NCL: variants seen among roughly 807,000 people sequenced by gnomAD.
NCL encodes the protein nucleolin multifunctional protein.
In NCL, 4 loss-of-function variants were observed where a neutral mutation model predicts 77.7. The ratio of observed to expected loss-of-function variants is 0.05; its 90% confidence interval spans 0.03 to 0.12. The LOEUF is 0.12. Ranked by LOEUF, NCL falls within the 10% of genes least tolerant of loss-of-function variation. The pLI, the probability that NCL is intolerant of heterozygous loss-of-function variation, is 1.00. For synonymous variants in NCL, 344 were observed against 297.8 expected (o/e 1.16, Z -1.60); for missense variants, 763 against 860.9 (o/e 0.89, Z 1.42).
At position 231,462,170 on chromosome 2, in the gene NCL, T is replaced by C. The variant is rs944924223; in HGVS notation, c.136-153A>G. On this transcript the variant is annotated intron_variant, in intron 2 of 13. Coordinates refer to ENST00000322723, the MANE Select transcript of NCL (RefSeq NM_005381.3). ...CATGTTAAACTCCAGGCTTCTGTTA[T>C]GTTGTCTTAAGTCAGAGCCCCTATC... 3.9e-5 allele frequency: 41 copies of C among 1,041,692 alleles called. No individual in the cohort carries two copies. In the East Asian group the frequency reaches 5.7e-4, roughly 14 times the overall value. The allele number at this position is 1,041,692 out of a possible 1,614,324, so 64.5% of individuals were successfully genotyped here.
intron 1 of NCL, chr2:231,463,541 T>G (rs778560912): frequency 2.7e-5 from 14 of 525,118 alleles, no homozygotes; most frequent in Non-Finnish European, 4.7e-5. Flanking sequence ...AAACCTGCCC[T>G]AAGGTAAAAA....
chr2:231,461,610 G>A lies in NCL; in HGVS notation c.543C>T (p.Ala181=), dbSNP rs1457561360. Residue 181 remains alanine, a synonymous_variant, in exon 3 of 14, where the codon GCC becomes GCT. Transcript: ENST00000322723. ...EPAAMKAAAA[A]PASEDEDDED... Reference sequence around the variant, plus strand: ...CATCGTCCTCATCCTCTGAGGCAGGGGCAGCAGCTGCTGCTTTCATCGCTG... The same window carrying A: ...CATCGTCCTCATCCTCTGAGGCAGGAGCAGCAGCTGCTGCTTTCATCGCTG... 2 of 1,603,008 alleles carry A rather than the reference G, an allele frequency of 1.2e-6. No individual in the cohort carries two copies. The highest frequency in any genetic ancestry group is 2.2e-5 in the East Asian group (1 of 44,814).
In NCL at chr2:231,455,506, C is replaced by T; in HGVS notation, c.1951G>A (p.Gly651Ser). The T allele has an allele frequency of 6.2e-7, 1 of 1,614,232 alleles. No homozygotes were observed. Among genetic ancestry groups the T allele is most frequent in the Non-Finnish European group, 8.5e-7 (1 of 1,180,042 alleles). The change falls in exon 13 of 14, where the codon GGT becomes AGT. Residue 651 changes from glycine (G) to serine (S), a missense_variant. Gly to Ser is a moderately conservative substitution (Grantham distance 56). This residue lies in a region of NCL where 173 missense variants were observed against 290.4 expected (regional missense o/e 0.60). Transcript: ENST00000322723. ...CCTCCACCACGACCCCCGAAGCCAC[C>T]TTCACCCTTAGGTTTGGCCCAGTCC... is the stretch of plus-strand genomic sequence containing the variant. ...TLDWAKPKGE[G>S]GFGGRGGGRG...
chr2:231,464,002 C>G, intron 1 of NCL: 1 of 738,656 alleles, frequency 1.4e-6, no homozygotes, highest in Non-Finnish European at 1.8e-6. Context: ...AGGCCGCGCT[C>G]CCGGGCACGT....
chr2:231,458,684 A>G (rs1032961755), intron 7 of NCL: 28 of 442,888 alleles, frequency 6.3e-5, no homozygotes, highest in African/African-American at 5.0e-4. Context: ...AACTGTATAT[A>G]GGGAGTAATT....
At chr2:231,461,090 C>T (rs6708999) in intron 3 of NCL, among the ~76,000 whole-genome samples, 1,875 of 151,996 alleles carry the variant, frequency 0.012, 40 homozygotes, top group African/African-American at 0.043. Flanking sequence ...ACCAGCCTGG[C>T]CAACATGGTG....
At chr2:231,456,441 C>T (rs756183194) in intron 11 of NCL, 190 bp downstream of exon 11, 1 of 1,122,698 alleles carries the variant, frequency 8.9e-7, no homozygotes, top group South Asian at 1.2e-5. Context: ...TGAGTTGACA[C>T]AGCTGGATCA....
rs766828166 is a variant in NCL at position 231,456,056 on chromosome 2, C to T, written c.1786G>A (p.Val596Ile). The part of the protein sequence containing the change: ...ETLKESFDGS[V>I]RARIVTDRET... ...CGGTCAGTAACTATCCTTGCCCGAA[C>T]GGAGCCGTCAAATGACTCCTTTAAT... is the stretch of plus-strand genomic sequence containing the variant. Residue 596 changes from valine to isoleucine, a missense_variant, in exon 12 of 14, where the codon GTT (valine) becomes ATT (isoleucine). Transcript: ENST00000322723. 6.8e-6 allele frequency: 11 copies of T among 1,614,048 alleles called. 1 individual carries two copies. The highest frequency in any genetic ancestry group is 6.8e-6 in the Non-Finnish European group (8 of 1,180,050).
Position 231,458,355 on chromosome 2 carries a change from G to C in NCL, c.1200C>G (p.Leu400=). 2 of 1,613,970 alleles carry C rather than the reference G, an allele frequency of 1.2e-6. No individual in the cohort carries two copies. The highest frequency in any genetic ancestry group is 1.7e-6 in the Non-Finnish European group (2 of 1,179,966). The change falls in exon 8 of 14, where the codon CTC becomes CTG. Residue 400 remains leucine, a synonymous_variant. Transcript: ENST00000322723. ...RDARTLLAKN[L]PYKVTQDELK... is the part of the protein sequence containing the mutation. ...ATTCATCCTGAGTGACTTTGTAAGG[G>C]AGATTTTTAGCCAAAAGTGTTCTCG...
chr2:231,458,778 G>T, intron 7 of NCL: 1 of 462,042 alleles, frequency 2.2e-6, no homozygotes, highest in Non-Finnish European at 3.7e-6. Flanking sequence ...GTATAAAAGT[G>T]CTCTTGCTTG....
In NCL at chr2:231,464,359, C is replaced by T. The variant is rs2046980570; in HGVS notation, c.-6G>A. The T allele has an allele frequency of 1.9e-6, 3 of 1,601,596 alleles. No homozygotes were observed. The highest frequency in any genetic ancestry group is 4.5e-5 in the East Asian group (2 of 44,272). On this transcript the variant is annotated 5_prime_UTR_variant, in exon 1 of 14. Coordinates refer to ENST00000322723, the MANE Select transcript of NCL (RefSeq NM_005381.3). ...ACCTTCGCGAGCTTCACCATGATGG[C>T]GGCGGAGTGTGAAGCGGACAAGTGG...
In NCL at chr2:231,460,743, T is replaced by C. The variant is rs2046941296; in HGVS notation, c.737A>G (p.Asp246Gly). 6.2e-7 allele frequency: 1 copy of C among 1,613,224 alleles called. No individual in the cohort carries two copies. ...EDEEEDDEDE[D>G]DDDDEDDEDD... ...TTCATCATCTTCGTCGTCGTCGTCA[T>C]CCTCGTCCTCATCATCCTCTTCTTC... Residue 246 changes from aspartate (D) to glycine (G), a missense_variant, in exon 4 of 14, where the codon GAT becomes GGT. Physicochemically the swap from Asp to Gly is moderately conservative, Grantham distance 94. Coordinates refer to ENST00000322723, the MANE Select transcript of NCL (RefSeq NM_005381.3).
intron 9 of NCL, chr2:231,457,363 TTCA>T: frequency 1.3e-6 from 1 of 765,070 alleles, no homozygotes; most frequent in Non-Finnish European, 2.3e-6. Flanking sequence ...ATCATCTGAG[TTCA>T]AAACGCACAT....
rs1247069808 is a variant in NCL at position 231,457,673 on chromosome 2, A to C, written c.1417T>G (p.Tyr473Asp). 6.2e-7 allele frequency: 1 copy of C among 1,610,664 alleles called. No individual in the cohort carries two copies. Among genetic ancestry groups the C allele is most frequent in the Non-Finnish European group, 8.5e-7 (1 of 1,178,158 alleles). Residue 473 changes from tyrosine to aspartate, a missense_variant, in exon 9 of 14, where the codon TAT (tyrosine) becomes GAT (aspartate). Tyr to Asp is a radical substitution (Grantham distance 160). This residue lies in a region of NCL where 590 missense variants were observed against 570.5 expected (regional missense o/e 1.03). Transcript: ENST00000322723. ...CAAGTGCTATTCTTTCCACCTCTAT[A>C]GTCTTGATTTTGACCTTTCTCTCCA... ...YTGEKGQNQDYRGGKNSTWSG... is the reference protein window; with the variant it reads ...YTGEKGQNQDDRGGKNSTWSG...
Position 231,460,519 on chromosome 2 carries a change from T to C in NCL, c.857A>G (p.Lys286Arg), listed in dbSNP as rs1262807281. The C allele has an allele frequency of 6.2e-7, 1 of 1,614,252 alleles. No homozygotes were observed. The highest frequency in any genetic ancestry group is 1.1e-5 in the South Asian group (1 of 91,084). ...APGKRKKEMA[K>R]QKAAPEAKKQ... ...CTTGGCTTCAGGAGCTGCTTTCTGTTTGGCCATTTCCTTCTTTCGTTTTCC... is the reference window on the plus strand; with the variant it reads ...CTTGGCTTCAGGAGCTGCTTTCTGTCTGGCCATTTCCTTCTTTCGTTTTCC... Residue 286 changes from lysine (K) to arginine (R), a missense_variant, in exon 5 of 14, where the codon AAA becomes AGA. Transcript: ENST00000322723.
chr2:231,457,846 C>T, intron 8 of NCL, 46 bp from the exon 9 acceptor site: 1 of 1,521,092 alleles, frequency 6.6e-7, no homozygotes. Flanking sequence ...ACCATATTAA[C>T]ACAAATGCTT....
intron 9 of NCL, chr2:231,457,376 TGG>T (rs2046901453): frequency 1.3e-6 from 1 of 752,610 alleles, no homozygotes; most frequent in Non-Finnish European, 2.4e-6. Context: ...AAAACGCACA[TGG>T]TCAAGTCATT....
rs142358440 is a variant in NCL at position 231,458,347 on chromosome 2, T to C, written c.1208A>G (p.Lys403Arg). Residue 403 changes from lysine (K) to arginine (R), a missense_variant, in exon 8 of 14, where the codon AAA (lysine) becomes AGA (arginine). By Grantham distance (26) the Lys-to-Arg change is conservative. Coordinates refer to ENST00000322723, the MANE Select transcript of NCL (RefSeq NM_005381.3). ...TTCTTTCAATTCATCCTGAGTGACT[T>C]TGTAAGGGAGATTTTTAGCCAAAAG... ...RTLLAKNLPYKVTQDELKEVF... is the reference protein window; with the variant it reads ...RTLLAKNLPYRVTQDELKEVF... 4.3e-6 allele frequency: 7 copies of C among 1,614,040 alleles called. No individual in the cohort carries two copies. Among genetic ancestry groups the C allele is most frequent in the Middle Eastern group, 1.6e-4 (1 of 6,062 alleles).
chr2:231,464,168 C>T, intron 1 of NCL, 168 bp downstream of exon 1: 1 of 1,425,758 alleles, frequency 7.0e-7, no homozygotes, highest in East Asian at 2.5e-5. Flanking sequence ...ACCTCGCCAC[C>T]AAGTAGCCAG....
Sources: allele counts gnomAD v4.1 joint callset (sites outside exome capture counted in the v4.1 genomes callset), GRCh38; gene constraint gnomAD v4.1.1; regional missense constraint gnomAD v4.1.1; transcripts MANE v1.5; gene names NCBI Gene and HGNC (gene_info 2026-07-23, HGNC 2026-07-21).